COL24A1: variants seen among roughly 807,000 people sequenced by gnomAD.
The protein encoded by COL24A1 is collagen type XXIV alpha 1 chain, also known as collagen alpha-1(XXIV) chain.
A neutral mutation model predicts 253.9 loss-of-function variants in COL24A1; 224 were observed. The observed-to-expected ratio is 0.88, with a 90% CI of 0.79 to 0.99. COL24A1 has a LOEUF of 0.99. Ranked by LOEUF, COL24A1 falls within the 50% of genes least tolerant of loss-of-function variation. The pLI is 0.00. For missense variants in COL24A1, 2,131 were observed against 2,068.5 expected (o/e 1.03, Z -0.59); for synonymous variants, 685 against 673.7 (o/e 1.02, Z -0.26).
intron 5 of COL24A1, among the ~76,000 whole-genome samples, chr1:86,099,804 C>T (rs1704287987): frequency 6.6e-6 from 1 of 152,088 alleles, no homozygotes. Flanking sequence ...CACCTGTCTC[C>T]CACCCCAAAC....
At chr1:86,102,637 C>T (rs1571924085) in intron 5 of COL24A1, among the ~76,000 whole-genome samples, 1 of 152,088 alleles carries the variant, frequency 6.6e-6, no homozygotes, top group Non-Finnish European at 1.5e-5. Flanking sequence ...TCATTGTTTA[C>T]CCAAAAGCTG....
chr1:86,076,470 G>C (rs1702254520), intron 7 of COL24A1, among the ~76,000 whole-genome samples: 1 of 152,124 alleles, frequency 6.6e-6, no homozygotes, highest in South Asian at 2.1e-4. Flanking sequence ...ACTGTCCCAA[G>C]TAATTTATAG....
At chr1:85,896,213 A>G (rs1299911100) in intron 29 of COL24A1, 143 bp downstream of exon 29, 2 of 1,173,636 alleles carry the variant, frequency 1.7e-6, no homozygotes, top group African/African-American at 3.1e-5. Flanking sequence ...CTGTGTAGTA[A>G]AAACTTTATG....
chr1:85,965,223 A>G (rs1479121054), intron 22 of COL24A1, among the ~76,000 whole-genome samples, 161 bp from the exon 23 acceptor site: 9 of 152,118 alleles, frequency 5.9e-5, no homozygotes, highest in Admixed American at 5.2e-4. Context: ...CATTCATTCT[A>G]CAAATATCCA....
chr1:86,156,883 G>C (rs1290304798), upstream of COL24A1: 1 of 152,732 alleles, frequency 6.5e-6, no homozygotes, highest in Non-Finnish European at 1.5e-5. Context: ...TGTCAAACAA[G>C]CACACACACC....
At chr1:86,122,926 A>G (rs752549280) in intron 3 of COL24A1, among the ~76,000 whole-genome samples, 1 of 152,022 alleles carries the variant, frequency 6.6e-6, no homozygotes, top group Non-Finnish European at 1.5e-5. Flanking sequence ...ATCATTTGAC[A>G]GTTAAGAATG....
intron 18 of COL24A1, among the ~76,000 whole-genome samples, chr1:86,021,130 G>C (rs1697496890): frequency 6.6e-6 from 1 of 152,140 alleles, no homozygotes; most frequent in Non-Finnish European, 1.5e-5. Flanking sequence ...AAATAATCCT[G>C]AGATGGAAGG....
rs142408467 is a variant in COL24A1 at position 86,109,504 on chromosome 1, A to G, written c.1599+3063T>C. Among the ~76,000 whole-genome samples the G allele has an allele frequency of 6.3e-3, 959 of 152,330 alleles. 12 individuals carry two copies. The highest frequency in any genetic ancestry group is 0.022 in the African/African-American group (916 of 41,560). On this transcript the variant is annotated intron_variant, in intron 5 of 59. Coordinates refer to ENST00000370571, the MANE Select transcript of COL24A1 (RefSeq NM_152890.7). ...ATTCTCCCCATTTTACAGAAAAGGA[A>G]AGAAGCTTAATGAGCCTAAGCAAGC...
chr1:85,876,853 T>C (rs2102614396), intron 33 of COL24A1, among the ~76,000 whole-genome samples: 1 of 152,358 alleles, frequency 6.6e-6, no homozygotes, highest in African/African-American at 2.4e-5. Context: ...TGAAAGGTTA[T>C]CAAGTCAACT....
chr1:85,811,785 G>T (rs1672570938), intron 47 of COL24A1, among the ~76,000 whole-genome samples: 1 of 152,144 alleles, frequency 6.6e-6, no homozygotes, highest in South Asian at 2.1e-4. Context: ...CAAGTATTTT[G>T]CCAGGTTGCC....
intron 53 of COL24A1, among the ~76,000 whole-genome samples, chr1:85,767,103 C>CAATAAT (rs67386357): frequency 0.053 from 7,662 of 145,586 alleles, 685 homozygotes; most frequent in African/African-American, 0.18. Flanking sequence ...GACTCCGTCT[C>CAATAAT]AATAATAATA....
chr1:85,741,944 C>A (rs764843515), intron 57 of COL24A1, among the ~76,000 whole-genome samples: 4 of 151,916 alleles, frequency 2.6e-5, no homozygotes, highest in Admixed American at 1.3e-4. Context: ...TAACGTGGAC[C>A]CAGTTAATCC....
chr1:86,060,285 CA>C (rs1700988023), intron 8 of COL24A1, among the ~76,000 whole-genome samples: 1 of 152,040 alleles, frequency 6.6e-6, no homozygotes, highest in African/African-American at 2.4e-5. Flanking sequence ...TAATTCTTGA[CA>C]CAAGGAAATG....
At position 85,965,881 on chromosome 1, in the gene COL24A1, A is replaced by G. The variant is rs529133468; in HGVS notation, c.2464-819T>C. ...AAGACCAGTAAAGTGATGAGGTCAA[A>G]GGAAATGGGGGATGAGAAGTCAGGT... On this transcript the variant is annotated intron_variant, in intron 22 of 59. Coordinates refer to ENST00000370571, the MANE Select transcript of COL24A1 (RefSeq NM_152890.7). Among the ~76,000 whole-genome samples, 119 of 152,278 alleles carry G rather than the reference A, an allele frequency of 7.8e-4. 5 individuals carry two copies. In the South Asian group the frequency reaches 0.024, roughly 31 times the overall value.
At chr1:86,064,424 A>G (rs1701328735) in intron 7 of COL24A1, among the ~76,000 whole-genome samples, 1 of 152,212 alleles carries the variant, frequency 6.6e-6, no homozygotes, top group Non-Finnish European at 1.5e-5. Flanking sequence ...CAAGAAAGAT[A>G]TAGGAGCAAA....
chr1:85,895,258 T>C lies in COL24A1; in HGVS notation c.2922+600A>G, dbSNP rs1017320998. Among the ~76,000 whole-genome samples, 4 of 151,962 alleles carry C rather than the reference T, an allele frequency of 2.6e-5. No individual in the cohort carries two copies. In the East Asian group the frequency reaches 7.7e-4, roughly 29 times the overall value. ...ATAATTCTGGTAAGATTTTTGATGG[T>C]AGGAAAATAACTAGTATTATAAAAT... On this transcript the variant is annotated intron_variant, in intron 31 of 59. Coordinates refer to ENST00000370571, the MANE Select transcript of COL24A1 (RefSeq NM_152890.7).
chr1:85,797,334 GC>G (rs1292910656), intron 47 of COL24A1, among the ~76,000 whole-genome samples: 3 of 151,924 alleles, frequency 2.0e-5, no homozygotes, highest in Non-Finnish European at 2.9e-5. Context: ...CAACATCCAT[GC>G]TCTGATGGAG....
At chr1:85,869,218 A>G (rs995744032) in intron 35 of COL24A1, among the ~76,000 whole-genome samples, 1 of 152,180 alleles carries the variant, frequency 6.6e-6, no homozygotes, top group Non-Finnish European at 1.5e-5. Flanking sequence ...TTGTATTTAC[A>G]TGGGTTAATA....
Position 85,883,313 on chromosome 1 carries a change from G to A in COL24A1, c.2977-6138C>T, listed in dbSNP as rs192323466. On this transcript the variant is annotated intron_variant, in intron 32 of 59. Transcript: ENST00000370571. ...CGGTGCACTGCAAACTCTGCCTCCT[G>A]GGTTCAAGAGATTCTCCCACTTCAG... Among the ~76,000 whole-genome samples, 179 of 151,518 alleles carry A rather than the reference G, an allele frequency of 1.2e-3. 1 individual carries two copies. The East Asian group carries it at 0.021, about 18-fold the overall frequency.
Sources: gnomAD v4.1 joint callset for allele counts (sites outside exome capture counted in the v4.1 genomes callset) on GRCh38, gnomAD v4.1.1 for gene constraint, MANE v1.5 for transcripts, NCBI Gene and HGNC (gene_info 2026-07-23, HGNC 2026-07-21) for gene names.